RNF11: variants seen among roughly 807,000 people sequenced by gnomAD.
RNF11 encodes the protein ring finger protein 11.
Under a neutral mutation model 15.8 loss-of-function variants are expected in RNF11, and 4 were observed. The observed-to-expected ratio is 0.25, with a 90% confidence interval of 0.12 to 0.58. The LOEUF (loss-of-function observed/expected upper bound fraction) is 0.58. RNF11 is among the 20% of genes least tolerant of loss of function. The pLI is 0.91. For missense variants in RNF11, 139 were observed against 194.4 expected, an observed-to-expected ratio of 0.71 and a Z score of 1.70; for synonymous variants, 68 against 72.3, an observed-to-expected ratio of 0.94 and a Z score of 0.30.
intron 1 of RNF11, among the ~76,000 whole-genome samples, chr1:51,244,204 T>C (rs1013697772): frequency 3.9e-5 from 6 of 152,228 alleles, no homozygotes; most frequent in African/African-American, 1.2e-4. Context: ...CACGCACTTA[T>C]ACTTTAGTGA....
intron 1 of RNF11, among the ~76,000 whole-genome samples, chr1:51,252,316 T>G (rs1646883593): frequency 6.6e-6 from 1 of 152,100 alleles, no homozygotes; most frequent in Non-Finnish European, 1.5e-5. Context: ...AGTCAAAGTT[T>G]AGGCCATGCA....
At chr1:51,248,914 A>G (rs566455211) in intron 1 of RNF11, among the ~76,000 whole-genome samples, 47 of 152,374 alleles carry the variant, frequency 3.1e-4, no homozygotes, top group Non-Finnish European at 5.0e-4. Flanking sequence ...ACAATAAAAA[A>G]TAATACAAGA....
At chr1:51,250,273 TCA>T (rs1461906618) in intron 1 of RNF11, among the ~76,000 whole-genome samples, 1 of 152,226 alleles carries the variant, frequency 6.6e-6, no homozygotes, top group African/African-American at 2.4e-5. Flanking sequence ...ATCCTTCACC[TCA>T]CAGTTATGAT....
intron 1 of RNF11, among the ~76,000 whole-genome samples, chr1:51,239,003 T>C: frequency 6.6e-6 from 1 of 152,160 alleles, no homozygotes; most frequent in East Asian, 1.9e-4. Flanking sequence ...GTGCTAGGAT[T>C]ACAGGCATGA....
chr1:51,247,193 A>G (rs879725790), intron 1 of RNF11, among the ~76,000 whole-genome samples: 20 of 152,148 alleles, frequency 1.3e-4, no homozygotes, highest in Admixed American at 9.8e-4. Flanking sequence ...TGGCTTAGAT[A>G]GCCACAGTGT....
chr1:51,271,136 C>T lies in RNF11; in HGVS notation c.294-15C>T. On this transcript the variant is annotated splice_polypyrimidine_tract_variant and intron_variant, in intron 2 of 2. Transcript: ENST00000242719. ...CTGAAAATGCCTTCTGATTTCTCTC[C>T]ATTGCTCTCAACAGGTGTGTGATCT... 13 of 1,607,576 alleles carry T rather than the reference C, an allele frequency of 8.1e-6. No individual in the cohort carries two copies. Among genetic ancestry groups the T allele is most frequent in the Non-Finnish European group, 1.1e-5 (13 of 1,175,250 alleles).
chr1:51,237,290 A>T (rs76501902), intron 1 of RNF11, among the ~76,000 whole-genome samples: 1 of 151,172 alleles, frequency 6.6e-6, no homozygotes, highest in Non-Finnish European at 1.5e-5. Context: ...TTATGTTTTC[A>T]TGTGTGGTCG....
chr1:51,253,522 T>TA lies in RNF11; in HGVS notation c.124-16417dup, dbSNP rs77641046. ...TGGGCAACCTCAAGATCCTGTCTCT[T>TA]AAAAAAAAAAAAAAAAAGGAGGTGG... On this transcript the variant is annotated intron_variant, in intron 1 of 2. Coordinates refer to ENST00000242719, the MANE Select transcript of RNF11 (RefSeq NM_014372.5). 4.7e-3 allele frequency among the ~76,000 whole-genome samples: 600 copies of TA among 128,282 alleles called. 2 individuals are homozygous for TA. The highest frequency in any genetic ancestry group is 0.015 in the Middle Eastern group (4 of 264). 84.2% of individuals were successfully genotyped at this position (128,282 alleles called of 152,430 possible).
chr1:51,266,724 A>G lies in RNF11; in HGVS notation c.124-3232A>G, dbSNP rs368086072. ...GCTATCCGCCTGTCTTGGCCTTCCA[A>G]ACTGCAAGGATTACAGGCGTGAGCC... On this transcript the variant is annotated intron_variant, in intron 1 of 2. Transcript: ENST00000242719. 1.8e-3 allele frequency among the ~76,000 whole-genome samples: 271 copies of G among 152,296 alleles called. 3 individuals carry two copies. The South Asian group carries it at 0.024, about 14-fold the overall frequency.
chr1:51,262,715 C>CTT (rs35542254), intron 1 of RNF11, among the ~76,000 whole-genome samples: 974 of 84,084 alleles, frequency 0.012, 50 homozygotes, highest in African/African-American at 0.031. Context: ...GCCTGCTAAT[C>CTT]TTTTTTTTTT....
At chr1:51,242,640 G>GT (rs1440617899) in intron 1 of RNF11, among the ~76,000 whole-genome samples, 1 of 151,634 alleles carries the variant, frequency 6.6e-6, no homozygotes, top group Admixed American at 6.6e-5. Context: ...GGATGGGCTT[G>GT]TTTTTTTTAG....
intron 1 of RNF11, among the ~76,000 whole-genome samples, chr1:51,246,545 G>A (rs1420310369): frequency 1.3e-5 from 2 of 152,042 alleles, no homozygotes; most frequent in African/African-American, 4.8e-5. Flanking sequence ...ACTCCAGCCT[G>A]GGCAACAGAG....
intron 1 of RNF11, among the ~76,000 whole-genome samples, chr1:51,267,083 C>T (rs145139900): frequency 6.6e-6 from 1 of 152,008 alleles, no homozygotes; most frequent in African/African-American, 2.4e-5. Context: ...TCTACCAAAA[C>T]AAAAAAATTG....
In RNF11 at chr1:51,271,425, C is replaced by A. The variant is rs1646978096; in HGVS notation, c.*103C>A. Reference sequence around the variant, plus strand: ...AGGGATTAGGAATTAAGATCGTGCACAAAAGTTTCCTTAAAATTCCTGGAT... The same window carrying A: ...AGGGATTAGGAATTAAGATCGTGCAAAAAAGTTTCCTTAAAATTCCTGGAT... On this transcript the variant is annotated 3_prime_UTR_variant, in exon 3 of 3. Transcript: ENST00000242719. The A allele has an allele frequency of 3.3e-6, 3 of 922,166 alleles. No homozygotes were observed. Among genetic ancestry groups the A allele is most frequent in the Non-Finnish European group, 4.6e-6 (3 of 647,958 alleles). The allele number at this position is 922,166 out of a possible 1,614,324, so 57.1% of individuals were successfully genotyped here. A position where few individuals can be genotyped will look rare whatever the true frequency, so the allele number is the denominator to read the frequency against.
At chr1:51,262,541 CTTT>C (rs1031500214) in intron 1 of RNF11, among the ~76,000 whole-genome samples, 1 of 151,276 alleles carries the variant, frequency 6.6e-6, no homozygotes, top group Non-Finnish European at 1.5e-5. Flanking sequence ...AATATTTGGG[CTTT>C]TTTTTGTTTG....
rs565533182 is a variant in RNF11 at position 51,257,773 on chromosome 1, T to C, written c.124-12183T>C. Among the ~76,000 whole-genome samples, 12 of 151,450 alleles carry C rather than the reference T, an allele frequency of 7.9e-5. No individual in the cohort carries two copies. In the South Asian group the frequency reaches 2.5e-3, roughly 32 times the overall value. On this transcript the variant is annotated intron_variant, in intron 1 of 2. Transcript: ENST00000242719. ...GTGCCCAGCCTTGACTTTTTAATAA[T>C]AGCCATTCTGACTGATGAGATGGTA...
chr1:51,245,129 G>A (rs908825396), intron 1 of RNF11, among the ~76,000 whole-genome samples: 2 of 152,092 alleles, frequency 1.3e-5, no homozygotes, highest in Admixed American at 6.5e-5. Context: ...GCATGGTCAC[G>A]GCTCACTGAA....
chr1:51,252,736 G>C lies in RNF11; in HGVS notation c.123+15857G>C, dbSNP rs149976991. Among the ~76,000 whole-genome samples, 173 of 152,112 alleles carry C rather than the reference G, an allele frequency of 1.1e-3. 1 individual carries two copies. Among genetic ancestry groups the C allele is most frequent in the African/African-American group, 3.9e-3 (162 of 41,498 alleles). Reference sequence around the variant, plus strand: ...TTAATTTGCATTTTCCCAGTGAGTAGTAGAGTTAACCTTTTCAAGTGCTTT... The same window carrying C: ...TTAATTTGCATTTTCCCAGTGAGTACTAGAGTTAACCTTTTCAAGTGCTTT... On this transcript the variant is annotated intron_variant, in intron 1 of 2. Coordinates refer to ENST00000242719, the MANE Select transcript of RNF11 (RefSeq NM_014372.5).
At position 51,272,848 on chromosome 1, in the gene RNF11, G is replaced by C. The variant is rs567952005; in HGVS notation, c.*1526G>C. 1 of 152,236 alleles carries C rather than the reference G, an allele frequency of 6.6e-6. No homozygotes were observed. Among genetic ancestry groups the C allele is most frequent in the African/African-American group, 2.4e-5 (1 of 41,552 alleles). 9.4% of individuals were successfully genotyped at this position (152,236 alleles called of 1,614,324 possible). A position where few individuals can be genotyped will look rare whatever the true frequency, so the allele number is the denominator to read the frequency against. The stretch of plus-strand genomic sequence containing the variant: ...TTCTACATACAAAACACAGTGTCAT[G>C]AAGGTTATTCATAATTGCATTATAG... On this transcript the variant is annotated 3_prime_UTR_variant, in exon 3 of 3. Transcript: ENST00000242719.
Sources: allele counts gnomAD v4.1 joint callset (sites outside exome capture counted in the v4.1 genomes callset), GRCh38; gene constraint gnomAD v4.1.1; transcripts MANE v1.5; gene names NCBI Gene and HGNC (gene_info 2026-07-23, HGNC 2026-07-21).